HSD11B2: variants seen among roughly 807,000 people sequenced by gnomAD.
The protein encoded by HSD11B2 is hydroxysteroid 11-beta dehydrogenase 2.
A neutral mutation model predicts 20.9 loss-of-function variants in HSD11B2; 17 were observed. The observed-to-expected ratio is 0.81, with a 90% CI of 0.56 to 1.22. The LOEUF (loss-of-function observed/expected upper bound fraction) is 1.22. HSD11B2 is among the 50% of genes most tolerant of loss of function. The pLI is 0.00. For missense variants in HSD11B2, 480 were observed against 563.6 expected, an observed-to-expected ratio of 0.85 and a Z score of 1.50; for synonymous variants, 253 against 255.4, an observed-to-expected ratio of 0.99 and a Z score of 0.09.
rs563098276 is a variant in HSD11B2, at chr16:67,435,995, G to C, written c.517G>C (p.Val173Leu). 4 of 1,614,118 alleles carry C rather than the reference G, an allele frequency of 2.5e-6. No individual in the cohort carries two copies. The East Asian group carries it at 8.9e-5, about 36-fold the overall frequency. Reference sequence around the variant, plus strand: ...CGTCAACAACGCAGGCCACAATGAAGTAGTTGCTGATGCGGAGCTGTCTCC... The same window carrying C: ...CGTCAACAACGCAGGCCACAATGAACTAGTTGCTGATGCGGAGCTGTCTCC... ...GLVNNAGHNE[V>L]VADAELSPVA... is the part of the protein sequence containing the mutation. Residue 173 changes from valine (V) to leucine (L), a missense_variant, in exon 3 of 5, where the codon GTA becomes CTA. Val to Leu is a conservative substitution (Grantham distance 32). This residue lies in a region of HSD11B2 where 374 missense variants were observed against 480.9 expected (regional missense o/e 0.78). Coordinates refer to ENST00000326152, the MANE Select transcript of HSD11B2 (RefSeq NM_000196.4).
chr16:67,431,259 G>C lies in HSD11B2; in HGVS notation c.11G>C (p.Trp4Ser). 1 of 1,257,430 alleles carries C rather than the reference G, an allele frequency of 8.0e-7. No homozygotes were observed. The highest frequency in any genetic ancestry group is 1.0e-6 in the Non-Finnish European group (1 of 991,660). The allele number at this position is 1,257,430 out of a possible 1,614,324, so 77.9% of individuals were successfully genotyped here. A position where few individuals can be genotyped will look rare whatever the true frequency, so the allele number is the denominator to read the frequency against. Reference sequence around the variant, plus strand: ...GCCCGCTGGGCCGCCATGGAGCGCTGGCCTTGGCCGTCGGGCGGCGCCTGG... The same window carrying C: ...GCCCGCTGGGCCGCCATGGAGCGCTCGCCTTGGCCGTCGGGCGGCGCCTGG... MER[W>S]PWPSGGAWLL... Residue 4 changes from tryptophan to serine, a missense_variant, in exon 1 of 5, where the codon TGG becomes TCG. Coordinates refer to ENST00000326152, the MANE Select transcript of HSD11B2 (RefSeq NM_000196.4).
Position 67,433,715 on chromosome 16 carries a change from C to T in HSD11B2, c.266-1913C>T, listed in dbSNP as rs72650105. ...ACACACACACACACACACACACACA[C>T]ACACACACACACATATGCTTGCCTC... is the stretch of plus-strand genomic sequence containing the variant. On this transcript the variant is annotated intron_variant, in intron 1 of 4. Transcript: ENST00000326152. 1.0e-3 allele frequency among the ~76,000 whole-genome samples: 147 copies of T among 145,116 alleles called. 2 individuals carry two copies. The highest frequency in any genetic ancestry group is 4.1e-3 in the African/African-American group (142 of 34,956).
chr16:67,430,370 C>T (rs1217706606), upstream of HSD11B2, among the ~76,000 whole-genome samples: 1 of 152,154 alleles, frequency 6.6e-6, no homozygotes, highest in East Asian at 1.9e-4. The surrounding 1 kb of genome is among the most constrained non-coding windows in gnomAD (Gnocchi z 5.4). Flanking sequence ...TCCTCTGACA[C>T]CCCACCCTCC....
chr16:67,435,251 G>C (rs920029632), intron 1 of HSD11B2, among the ~76,000 whole-genome samples: 3 of 151,552 alleles, frequency 2.0e-5, no homozygotes, highest in Non-Finnish European at 4.4e-5. Context: ...CTAATACTGT[G>C]CCTGTGCCTG....
rs879760403 is a variant in HSD11B2 at position 67,437,155 on chromosome 16, C to T, written c.*152C>T. On this transcript the variant is annotated 3_prime_UTR_variant, in exon 5 of 5. Coordinates refer to ENST00000326152, the MANE Select transcript of HSD11B2 (RefSeq NM_000196.4). The stretch of plus-strand genomic sequence containing the variant: ...CCACTTCATGCCCACTGCCGATGCC[C>T]AATCCAGGCCCGGTGAGGCCAAGGT... The T allele has an allele frequency of 2.4e-6, 2 of 824,466 alleles. No homozygotes were observed. Among genetic ancestry groups the T allele is most frequent in the Non-Finnish European group, 3.7e-6 (2 of 533,374 alleles). The allele number at this position is 824,466 out of a possible 1,614,324, so 51.1% of individuals were successfully genotyped here. A position where few individuals can be genotyped will look rare whatever the true frequency, so the allele number is the denominator to read the frequency against.
intron 1 of HSD11B2, among the ~76,000 whole-genome samples, chr16:67,435,296 C>T (rs540899887): frequency 6.6e-6 from 1 of 151,990 alleles, no homozygotes; most frequent in Admixed American, 6.6e-5. Flanking sequence ...AGCAGAACCA[C>T]ACTGGGGCCT....
At position 67,436,288 on chromosome 16, in the gene HSD11B2, C is replaced by G. The variant is rs2040971979; in HGVS notation, c.704C>G (p.Ser235Cys). Residue 235 changes from serine to cysteine, a missense_variant, in exon 4 of 5, where the codon TCC becomes TGC. By Grantham distance (112) the Ser-to-Cys change is moderately radical. Transcript: ENST00000326152. This position sits in a 1 kb window ranked among gnomAD's most constrained non-coding sequence, Gnocchi z 5.7. ...CCGTGCTTGGGGGCCTATGGAACCT[C>G]CAAAGCGGCCGTGGCGCTACTCATG... ...PYPCLGAYGT[S>C]KAAVALLMDT... The G allele has an allele frequency of 3.1e-6, 5 of 1,614,062 alleles. No homozygotes were observed. Among genetic ancestry groups the G allele is most frequent in the Non-Finnish European group, 4.2e-6 (5 of 1,180,020 alleles).
chr16:67,431,150 C>T lies in HSD11B2; in HGVS notation c.-99C>T. 6 of 601,724 alleles carry T rather than the reference C, an allele frequency of 1.0e-5. No individual in the cohort carries two copies. Among genetic ancestry groups the T allele is most frequent in the Non-Finnish European group, 1.3e-5 (6 of 466,088 alleles). 37.3% of individuals were successfully genotyped at this position (601,724 alleles called of 1,614,324 possible). ...GCGAGTGTCCCTCTCGCGCCCCAGGCCGGTGTACCCCCGCACTCCGCGCCC... is the reference window on the plus strand; with the variant it reads ...GCGAGTGTCCCTCTCGCGCCCCAGGTCGGTGTACCCCCGCACTCCGCGCCC... On this transcript the variant is annotated 5_prime_UTR_variant, in exon 1 of 5. Coordinates refer to ENST00000326152, the MANE Select transcript of HSD11B2 (RefSeq NM_000196.4).
chr16:67,436,382 G>A lies in HSD11B2; in HGVS notation c.798G>A (p.Lys266=), dbSNP rs762903838. ...KVSIIQPGCF[K]TESVRNVGQW... Reference sequence around the variant, plus strand: ...GCATCATCCAGCCTGGCTGCTTCAAGACAGGTGGGAATCAGGGCTGGGGGT... The same window carrying A: ...GCATCATCCAGCCTGGCTGCTTCAAAACAGGTGGGAATCAGGGCTGGGGGT... Residue 266 remains lysine, a synonymous_variant, in exon 4 of 5, where the codon AAG becomes AAA. Coordinates refer to ENST00000326152, the MANE Select transcript of HSD11B2 (RefSeq NM_000196.4). This position sits in a 1 kb window ranked among gnomAD's most constrained non-coding sequence, Gnocchi z 5.7. 4.3e-5 allele frequency: 47 copies of A among 1,103,338 alleles called. No homozygotes were observed. The highest frequency in any genetic ancestry group is 5.2e-5 in the Non-Finnish European group (41 of 784,178). The allele number at this position is 1,103,338 out of a possible 1,614,324, so 68.3% of individuals were successfully genotyped here. A position where few individuals can be genotyped will look rare whatever the true frequency, so the allele number is the denominator to read the frequency against.
Position 67,436,825 on chromosome 16 carries a change from T to G in HSD11B2, c.1040T>G (p.Met347Arg), listed in dbSNP as rs759131240. ...TACCCCGGCCAGGGCCTGGGGCTCATGTACTTCATCCACTACTACCTGCCT... is the reference window on the plus strand; with the variant it reads ...TACCCCGGCCAGGGCCTGGGGCTCAGGTACTTCATCCACTACTACCTGCCT... ...RYYPGQGLGLMYFIHYYLPEG... is the reference protein window; with the variant it reads ...RYYPGQGLGLRYFIHYYLPEG... Residue 347 changes from methionine to arginine, a missense_variant, in exon 5 of 5, where the codon ATG becomes AGG. Met to Arg is a moderately conservative substitution (Grantham distance 91, BLOSUM62 -1). This residue lies in a region of HSD11B2 where 374 missense variants were observed against 480.9 expected (regional missense o/e 0.78). Coordinates refer to ENST00000326152, the MANE Select transcript of HSD11B2 (RefSeq NM_000196.4). The surrounding 1 kb of genome is among the most constrained non-coding windows in gnomAD (Gnocchi z 5.7). The G allele has an allele frequency of 6.2e-7, 1 of 1,613,780 alleles. No homozygotes were observed. Among genetic ancestry groups the G allele is most frequent in the Non-Finnish European group, 8.5e-7 (1 of 1,180,010 alleles).
chr16:67,431,870 AG>A (rs1353746501), intron 1 of HSD11B2, among the ~76,000 whole-genome samples: 1 of 152,180 alleles, frequency 6.6e-6, no homozygotes, highest in Non-Finnish European at 1.5e-5. Flanking sequence ...GGCCTTGAGA[AG>A]GGAGGATCGT....
upstream of HSD11B2, chr16:67,430,926 C>G (rs1015517513): frequency 6.5e-6 from 1 of 154,050 alleles, no homozygotes; most frequent in Non-Finnish European, 1.4e-5. This position sits in a 1 kb window ranked among gnomAD's most constrained non-coding sequence, Gnocchi z 5.4. Flanking sequence ...GCTCCTCGAG[C>G]GCAGCAACTT....
Position 67,437,200 on chromosome 16 carries a change from C to G in HSD11B2, c.*197C>G, listed in dbSNP as rs56406870. On this transcript the variant is annotated 3_prime_UTR_variant, in exon 5 of 5. Transcript: ENST00000326152. ...CAAGGTTTCCCAGTGAGCCTCTGCGCCTCTCCACTGTTTCATGAGCCCAAA... is the reference window on the plus strand; with the variant it reads ...CAAGGTTTCCCAGTGAGCCTCTGCGGCTCTCCACTGTTTCATGAGCCCAAA... 1.6e-6 allele frequency: 1 copy of G among 618,874 alleles called. No individual in the cohort carries two copies. The highest frequency in any genetic ancestry group is 1.8e-5 in the African/African-American group (1 of 54,364). 38.3% of individuals were successfully genotyped at this position (618,874 alleles called of 1,614,324 possible). A position where few individuals can be genotyped will look rare whatever the true frequency, so the allele number is the denominator to read the frequency against.
Position 67,436,917 on chromosome 16 carries a change from C to T in HSD11B2, c.1132C>T (p.Pro378Ser). ...ISHCLPRALQ[P>S]GQPGTTPPQD... is the part of the protein sequence containing the mutation. ...TCACTGTCTGCCTCGAGCACTGCAGCCTGGCCAGCCTGGCACTACCCCACC... is the reference window on the plus strand; with the variant it reads ...TCACTGTCTGCCTCGAGCACTGCAGTCTGGCCAGCCTGGCACTACCCCACC... Residue 378 changes from proline (P) to serine (S), a missense_variant, in exon 5 of 5, where the codon CCT (proline) becomes TCT (serine). Transcript: ENST00000326152. This position sits in a 1 kb window ranked among gnomAD's most constrained non-coding sequence, Gnocchi z 5.7. 2 of 1,612,644 alleles carry T rather than the reference C, an allele frequency of 1.2e-6. No individual in the cohort carries two copies. The highest frequency in any genetic ancestry group is 1.7e-6 in the Non-Finnish European group (2 of 1,180,018).
chr16:67,433,717 CACACACACACAT>C (rs1271343703), intron 1 of HSD11B2, among the ~76,000 whole-genome samples: 1,518 of 143,220 alleles, frequency 0.011, 31 homozygotes, highest in African/African-American at 0.042. Context: ...CACACACACA[CACACACACACAT>C]ATGCTTGCCT....
In HSD11B2 at chr16:67,436,861, G is replaced by A. The variant is rs1373072453; in HGVS notation, c.1076G>A (p.Arg359Gln). 23 of 1,613,564 alleles carry A rather than the reference G, an allele frequency of 1.4e-5. No homozygotes were observed. The Middle Eastern group carries it at 4.9e-4, about 35-fold the overall frequency. The change falls in exon 5 of 5, where the codon CGG (arginine) becomes CAG (glutamine). Residue 359 changes from arginine to glutamine, a missense_variant. By Grantham distance (43) the Arg-to-Gln change is conservative. This residue lies in a region of HSD11B2 where 374 missense variants were observed against 480.9 expected (regional missense o/e 0.78). Transcript: ENST00000326152. This position sits in a 1 kb window ranked among gnomAD's most constrained non-coding sequence, Gnocchi z 5.7. The stretch of plus-strand genomic sequence containing the variant: ...CACTACTACCTGCCTGAAGGCCTGC[G>A]GCGCCGCTTCCTGCAGGCCTTCTTC... ...FIHYYLPEGL[R>Q]RRFLQAFFIS...
Position 67,431,303 on chromosome 16 carries a change from G to A in HSD11B2, c.55G>A (p.Ala19Thr). Reference protein sequence around the residue: ...GGAWLLVAARALLQLLRSDLR... With the variant: ...GGAWLLVAARTLLQLLRSDLR... ...CGCCTGGCTGCTCGTGGCTGCCCGCGCGCTGCTGCAGCTGCTGCGCTCAGA... is the reference window on the plus strand; with the variant it reads ...CGCCTGGCTGCTCGTGGCTGCCCGCACGCTGCTGCAGCTGCTGCGCTCAGA... The change falls in exon 1 of 5, where the codon GCG becomes ACG. Residue 19 changes from alanine (A) to threonine (T), a missense_variant. This residue lies in a region of HSD11B2 where 106 missense variants were observed against 82.8 expected (regional missense o/e 1.28). Transcript: ENST00000326152. 2 of 1,262,900 alleles carry A rather than the reference G, an allele frequency of 1.6e-6. No individual in the cohort carries two copies. The highest frequency in any genetic ancestry group is 1.0e-6 in the Non-Finnish European group (1 of 993,882). 78.2% of individuals were successfully genotyped at this position (1,262,900 alleles called of 1,614,324 possible).
intron 1 of HSD11B2, among the ~76,000 whole-genome samples, chr16:67,431,754 C>G (rs1409716808): frequency 6.6e-6 from 1 of 152,162 alleles, no homozygotes; most frequent in Non-Finnish European, 1.5e-5. Flanking sequence ...GGGAGTGGGC[C>G]GGTTCGAGAA....
chr16:67,435,846 T>C lies in HSD11B2; in HGVS notation c.478+6T>C. On this transcript the variant is annotated splice_donor_region_variant and intron_variant, in intron 2 of 4. Coordinates refer to ENST00000326152, the MANE Select transcript of HSD11B2 (RefSeq NM_000196.4). ...GGCCCACACCACCAGCACCGGTCAG[T>C]GGCAAGTGTCCACCAGGCAAGGGCG... 1 of 1,614,016 alleles carries C rather than the reference T, an allele frequency of 6.2e-7. No individual in the cohort carries two copies. Among genetic ancestry groups the C allele is most frequent in the Non-Finnish European group, 8.5e-7 (1 of 1,180,008 alleles).
Sources: allele counts gnomAD v4.1 joint callset (sites outside exome capture counted in the v4.1 genomes callset), GRCh38; gene constraint gnomAD v4.1.1; regional missense constraint gnomAD v4.1.1; non-coding constraint Gnocchi (gnomAD v3.1); transcripts MANE v1.5; gene names NCBI Gene and HGNC (gene_info 2026-07-23, HGNC 2026-07-21).